Variants in TRDN observed in about 807,000 individuals in gnomAD.
TRDN encodes triadin, also known as triadin in skeletal muscle.
In TRDN, 161 loss-of-function variants were observed where a neutral mutation model predicts 149.7. That is an observed-to-expected ratio of 1.08 (90% CI 0.95 to 1.23). The LOEUF is 1.23. Ranked by LOEUF, TRDN falls within the 50% of genes most tolerant of loss-of-function variation. The probability of loss-of-function intolerance (pLI) is 0.00; values close to 1 mark genes in which losing one functional copy is unlikely to be tolerated. For synonymous variants in TRDN, 294 were observed against 250.5 expected (o/e 1.17, Z -1.64); for missense variants, 896 against 823.5 (o/e 1.09, Z -1.08).
intron 4 of TRDN, 116 bp downstream of exon 4, chr6:123,547,224 C>A: frequency 4.9e-6 from 3 of 613,916 alleles, no homozygotes; most frequent in Middle Eastern, 4.6e-4. Flanking sequence ...TAAATCTTGA[C>A]CTAATTATTA....
At chr6:123,631,368 GT>G (rs1209312024) in intron 1 of TRDN, among the ~76,000 whole-genome samples, 11 of 151,652 alleles carry the variant, frequency 7.3e-5, no homozygotes, top group African/African-American at 2.7e-4. Context: ...TTGTTCTCAG[GT>G]TTTCCCATGA....
At chr6:123,620,982 A>G (rs1368896659) in intron 1 of TRDN, among the ~76,000 whole-genome samples, 1 of 152,132 alleles carries the variant, frequency 6.6e-6, no homozygotes, top group Admixed American at 6.6e-5. Context: ...CCTAGTGACA[A>G]TGGAGATTCT....
chr6:123,384,370 A>G (rs945433731), intron 14 of TRDN, among the ~76,000 whole-genome samples: 3 of 152,196 alleles, frequency 2.0e-5, no homozygotes, highest in African/African-American at 7.2e-5. Flanking sequence ...CTCACTGAAC[A>G]ATCTCTTGAG....
rs1249129746 is a variant in TRDN at position 123,522,318 on chromosome 6, T to C, written c.485-6112A>G. The stretch of plus-strand genomic sequence containing the variant: ...TTCCTGTCTTTTCTGATTTGTTCTG[T>C]TCTACAAGTAAATTGACATGTCTAT... On this transcript the variant is annotated intron_variant, in intron 5 of 40. Coordinates refer to ENST00000334268, the MANE Select transcript of TRDN (RefSeq NM_006073.4). Among the ~76,000 whole-genome samples, 7 of 152,136 alleles carry C rather than the reference T, an allele frequency of 4.6e-5. No individual in the cohort carries two copies. The South Asian group carries it at 1.0e-3, about 22-fold the overall frequency.
rs998691604 is a variant in TRDN at position 123,217,860 on chromosome 6, T to C, written c.*741A>G. ...ATTCCACATCTCATTTGCTAATATT[T>C]TAAACAAACGATTCACCAGACCTGA... On this transcript the variant is annotated 3_prime_UTR_variant, in exon 41 of 41. Transcript: ENST00000334268. 2.0e-5 allele frequency: 3 copies of C among 152,134 alleles called. No homozygotes were observed. Among genetic ancestry groups the C allele is most frequent in the Admixed American group, 2.0e-4 (3 of 15,256 alleles). 9.4% of individuals were successfully genotyped at this position (152,134 alleles called of 1,614,324 possible).
intron 2 of TRDN, among the ~76,000 whole-genome samples, chr6:123,549,177 T>C (rs2114440478): frequency 6.6e-6 from 1 of 152,184 alleles, no homozygotes; most frequent in East Asian, 1.9e-4. Flanking sequence ...GTCATCCCTG[T>C]ACATGAAATA....
At chr6:123,472,958 A>G (rs1406713812) in intron 9 of TRDN, among the ~76,000 whole-genome samples, 3 of 152,226 alleles carry the variant, frequency 2.0e-5, no homozygotes, top group Non-Finnish European at 4.4e-5. Flanking sequence ...CACCATCATC[A>G]AAGACCAACA....
At chr6:123,265,904 T>C (rs999989138) in intron 32 of TRDN, among the ~76,000 whole-genome samples, 4 of 147,128 alleles carry the variant, frequency 2.7e-5, no homozygotes, top group Admixed American at 2.1e-4. Flanking sequence ...TCTTCTAAAA[T>C]ATATTAACTA....
intron 12 of TRDN, among the ~76,000 whole-genome samples, chr6:123,434,499 T>C (rs1445225104): frequency 7.9e-5 from 12 of 152,148 alleles, no homozygotes; most frequent in Non-Finnish European, 1.6e-4. Flanking sequence ...TCCTAACCTG[T>C]TGATCTGCCC....
intron 2 of TRDN, 86 bp from the exon 3 acceptor site, chr6:123,548,698 G>T: frequency 1.8e-6 from 2 of 1,134,634 alleles, no homozygotes; most frequent in Non-Finnish European, 1.1e-6. Context: ...CTGATTTGTT[G>T]TTTTGACAAA....
chr6:123,519,085 C>T (rs1275899059), intron 5 of TRDN, among the ~76,000 whole-genome samples: 1 of 152,172 alleles, frequency 6.6e-6, no homozygotes, highest in Non-Finnish European at 1.5e-5. Flanking sequence ...TATATCTTAG[C>T]CAGGACAGTT....
intron 38 of TRDN, among the ~76,000 whole-genome samples, chr6:123,226,970 G>GA (rs781054416): frequency 6.6e-6 from 1 of 151,806 alleles, no homozygotes; most frequent in Non-Finnish European, 1.5e-5. Flanking sequence ...GCAACAATAT[G>GA]AAAAAAGGCT....
intron 9 of TRDN, among the ~76,000 whole-genome samples, chr6:123,472,551 C>T (rs1475596161): frequency 6.6e-6 from 1 of 152,206 alleles, no homozygotes; most frequent in Non-Finnish European, 1.5e-5. Flanking sequence ...ACAAAGCAGC[C>T]GGGAAGCTCG....
chr6:123,301,760 T>TACATAC lies in TRDN; in HGVS notation c.1510+14696_1510+14697insGTATGT, dbSNP rs1778415815. Among the ~76,000 whole-genome samples, 4 of 79,836 alleles carry TACATAC rather than the reference T, an allele frequency of 5.0e-5. No homozygotes were observed. In the East Asian group the frequency reaches 5.2e-3, roughly 104 times the overall value. 52.4% of individuals were successfully genotyped at this position (79,836 alleles called of 152,430 possible). A position where few individuals can be genotyped will look rare whatever the true frequency, so the allele number is the denominator to read the frequency against. The stretch of plus-strand genomic sequence containing the variant: ...ATGTATGTATATATATACATATATA[T>TACATAC]ATATATATACATATATATATATATA... On this transcript the variant is annotated intron_variant, in intron 24 of 40. Coordinates refer to ENST00000334268, the MANE Select transcript of TRDN (RefSeq NM_006073.4).
intron 10 of TRDN, among the ~76,000 whole-genome samples, chr6:123,461,078 G>C (rs6911883): frequency 0.17 from 25,696 of 151,988 alleles, 2,342 homozygotes; most frequent in South Asian, 0.29. Context: ...TGTTCTTCTG[G>C]CAGTTTATTA....
intron 8 of TRDN, among the ~76,000 whole-genome samples, chr6:123,499,198 T>G (rs1778574784): frequency 6.6e-6 from 1 of 152,174 alleles, no homozygotes; most frequent in Non-Finnish European, 1.5e-5. Flanking sequence ...GCAGGGAGTA[T>G]TTTTAATATA....
intron 10 of TRDN, among the ~76,000 whole-genome samples, chr6:123,448,493 C>G (rs938781283): frequency 6.6e-6 from 1 of 152,070 alleles, no homozygotes; most frequent in South Asian, 2.1e-4. Flanking sequence ...ACCTGCATGA[C>G]TCAGCAGAGA....
chr6:123,511,474 T>C (rs1467336897), intron 7 of TRDN, among the ~76,000 whole-genome samples: 2 of 152,128 alleles, frequency 1.3e-5, no homozygotes, highest in Non-Finnish European at 2.9e-5. Flanking sequence ...TATGTACCTA[T>C]AAATATTGAA....
chr6:123,568,301 G>A (rs562468968), intron 2 of TRDN, among the ~76,000 whole-genome samples: 5 of 152,240 alleles, frequency 3.3e-5, no homozygotes, highest in Non-Finnish European at 7.3e-5. Context: ...TTGAGTGCCT[G>A]CAGCTTTTCT....
Sources: allele counts gnomAD v4.1 joint callset (sites outside exome capture counted in the v4.1 genomes callset), GRCh38; gene constraint gnomAD v4.1.1; transcripts MANE v1.5; gene names NCBI Gene and HGNC (gene_info 2026-07-23, HGNC 2026-07-21).